The following ZFP64 variants were observed in gnomAD, a reference collection of about 807,000 sequenced individuals.
ZFP64 encodes ZFP64 zinc finger protein.
Under a neutral mutation model 51.6 loss-of-function variants are expected in ZFP64, and 14 were observed. The observed-to-expected ratio is 0.27, with a 90% CI of 0.18 to 0.42. ZFP64 has a LOEUF of 0.42. Ranked by LOEUF, ZFP64 falls within the 10% of genes least tolerant of loss-of-function variation. The probability of loss-of-function intolerance (pLI) is 1.00; values close to 1 mark genes in which losing one functional copy is unlikely to be tolerated. For missense variants in ZFP64, 754 were observed against 906.8 expected, an observed-to-expected ratio of 0.83 and a Z score of 2.16; for synonymous variants, 375 against 361.4, an observed-to-expected ratio of 1.04 and a Z score of -0.43.
chr20:52,086,315 G>C (rs973105137), intron 8 of ZFP64, among the ~76,000 whole-genome samples: 1 of 152,080 alleles, frequency 6.6e-6, no homozygotes, highest in Admixed American at 6.6e-5. Flanking sequence ...CAGGCCAGTG[G>C]ATGGCGTAAC....
In ZFP64 at chr20:52,169,269, A is replaced by C. The variant is rs189300885; in HGVS notation, c.287-3244T>G. Among the ~76,000 whole-genome samples the C allele has an allele frequency of 1.2e-3, 190 of 152,322 alleles. 1 individual carries two copies. Among genetic ancestry groups the C allele is most frequent in the African/African-American group, 4.4e-3 (181 of 41,572 alleles). On this transcript the variant is annotated intron_variant, in intron 2 of 5. Transcript: ENST00000216923. Reference sequence around the variant, plus strand: ...AACCAGACTCTGGCACTTGTGCATCAAACTCTCAACTGAAATGCTCATGAG... The same window carrying C: ...AACCAGACTCTGGCACTTGTGCATCCAACTCTCAACTGAAATGCTCATGAG...
Position 52,106,446 on chromosome 20 carries a change from C to T in ZFP64, c.764-7859G>A, listed in dbSNP as rs373922689. Among the ~76,000 whole-genome samples, 182 of 152,112 alleles carry T rather than the reference C, an allele frequency of 1.2e-3. 1 individual carries two copies. The highest frequency in any genetic ancestry group is 4.1e-3 in the African/African-American group (172 of 41,502). The stretch of plus-strand genomic sequence containing the variant: ...CAGGCTCATCTCCGAGTTTTTGGGG[C>T]GGGGCCTGAGAATCTGTATTTTTAA... On this transcript the variant is annotated intron_variant, in intron 5 of 8. Transcript: ENST00000361387.
intron 2 of ZFP64, among the ~76,000 whole-genome samples, chr20:52,174,827 T>C (rs984644951): frequency 2.6e-5 from 4 of 152,222 alleles, no homozygotes. Context: ...TATTACTTGG[T>C]GATTATATAA....
At chr20:52,186,617 G>A (rs1039457107) in intron 2 of ZFP64, among the ~76,000 whole-genome samples, 5 of 149,872 alleles carry the variant, frequency 3.3e-5, no homozygotes, top group Non-Finnish European at 7.4e-5. Flanking sequence ...TTTTTGTAAC[G>A]TGACAACATT....
chr20:52,140,088 C>A (rs541446422), intron 5 of ZFP64, among the ~76,000 whole-genome samples: 1 of 151,966 alleles, frequency 6.6e-6, no homozygotes, highest in African/African-American at 2.4e-5. Flanking sequence ...TATAAGACGA[C>A]GAAATTAACT....
rs187288856 is a variant in ZFP64, at chr20:52,128,325, G to A, written c.764-29738C>T. ...CCATCAGGTCCACTGATATTCCATT[G>A]GCCAAAGCAAGTCAAATGGCTTTGC... On this transcript the variant is annotated intron_variant, in intron 5 of 8. Transcript: ENST00000361387. Among the ~76,000 whole-genome samples the A allele has an allele frequency of 1.4e-3, 212 of 152,194 alleles. 1 individual carries two copies. Among genetic ancestry groups the A allele is most frequent in the African/African-American group, 4.4e-3 (182 of 41,522 alleles).
chr20:52,122,387 TCCCAGCTACTC>T (rs1979230865), intron 5 of ZFP64, among the ~76,000 whole-genome samples: 1 of 150,856 alleles, frequency 6.6e-6, no homozygotes, highest in Non-Finnish European at 1.5e-5. Flanking sequence ...GCGCCTGTAG[TCCCAGCTACTC>T]CGGAGGCTGA....
chr20:52,152,174 A>G lies in ZFP64; in HGVS notation c.2018T>C (p.Leu673Pro). Residue 673 changes from leucine (L) to proline (P), a missense_variant, in exon 6 of 6, where the codon CTC (leucine) becomes CCC (proline). Leu to Pro is a moderately conservative substitution (Grantham distance 98, BLOSUM62 -3). Coordinates refer to ENST00000216923, the MANE Select transcript of ZFP64 (RefSeq NM_018197.3). The part of the protein sequence containing the change: ...IIQGAAHPAL[L>P]CPADSIPD Reference sequence around the variant, plus strand: ...ATCTGGAATGGAGTCGGCGGGACAGAGCAAAGCTGGATGGGCTGCCCCTTG... The same window carrying G: ...ATCTGGAATGGAGTCGGCGGGACAGGGCAAAGCTGGATGGGCTGCCCCTTG... 6.2e-7 allele frequency: 1 copy of G among 1,614,134 alleles called. No homozygotes were observed. Among genetic ancestry groups the G allele is most frequent in the Non-Finnish European group, 8.5e-7 (1 of 1,180,016 alleles).
intron 5 of ZFP64, among the ~76,000 whole-genome samples, chr20:52,118,972 G>A (rs183410201): frequency 1.1e-4 from 17 of 152,164 alleles, no homozygotes; most frequent in East Asian, 7.7e-4. Context: ...GTGAAACCCC[G>A]TCTCTACAAA....
In ZFP64 at chr20:52,085,109, G is replaced by A. The variant is rs2078850474; in HGVS notation, c.1386C>T (p.Arg462=). ...GCAGACATTTGAAGGTGTGCTTGATGCGGATGTGCGATTTGAGATTCGCCT... is the reference window on the plus strand; with the variant it reads ...GCAGACATTTGAAGGTGTGCTTGATACGGATGTGCGATTTGAGATTCGCCT... Residue 462 remains arginine (R), a synonymous_variant, in exon 9 of 9, where the codon CGC becomes CGT. Transcript: ENST00000361387. The surrounding 1 kb of genome is among the most constrained non-coding windows in gnomAD (Gnocchi z 4.3). The A allele has an allele frequency of 1.2e-6, 2 of 1,614,250 alleles. No individual in the cohort carries two copies. The highest frequency in any genetic ancestry group is 2.2e-5 in the East Asian group (1 of 44,882).
Position 52,178,238 on chromosome 20 carries a change from G to A in ZFP64, c.286+8594C>T, listed in dbSNP as rs180838310. ...TGCACAAGCAAGTTTGAGAAACATC[G>A]CAATGAGGAATTTACTAAGTGGCAG... On this transcript the variant is annotated intron_variant, in intron 2 of 5. Coordinates refer to ENST00000216923, the MANE Select transcript of ZFP64 (RefSeq NM_018197.3). Among the ~76,000 whole-genome samples the A allele has an allele frequency of 3.9e-5, 6 of 152,104 alleles. No individual in the cohort carries two copies. In the East Asian group the frequency reaches 7.7e-4, roughly 20 times the overall value.
At chr20:52,187,553 C>T (rs930891648) in intron 1 of ZFP64, among the ~76,000 whole-genome samples, 11 of 151,788 alleles carry the variant, frequency 7.2e-5, no homozygotes, top group African/African-American at 2.7e-4. Flanking sequence ...ACCCAGCAGG[C>T]AGAGGTTGCA....
rs751054942 is a variant in ZFP64, at chr20:52,088,691, G to T, written c.977-48C>A. 30 of 1,610,548 alleles carry T rather than the reference G, an allele frequency of 1.9e-5. No homozygotes were observed. The South Asian group carries it at 3.3e-4, about 18-fold the overall frequency. ...AGTTAAAGGTTTTTTGGTCAAGATG[G>T]CTACAAAGATTTGACCAAGATGATA... On this transcript the variant is annotated intron_variant, in intron 7 of 8. Transcript: ENST00000361387.
chr20:52,094,811 T>A (rs2078969778), intron 7 of ZFP64, among the ~76,000 whole-genome samples: 1 of 152,172 alleles, frequency 6.6e-6, no homozygotes, highest in Non-Finnish European at 1.5e-5. Context: ...CTATTCCCAG[T>A]TAAACACACA....
In ZFP64 at chr20:52,084,586, C is replaced by G. The variant is rs1213979205; in HGVS notation, c.1909G>C (p.Ala637Pro). ...AGGTCTTGGCTGGGCTCTAGGGGAG[C>G]CTCGAGCTGCCCCACGGAGACCAGG... The change falls in exon 9 of 9, where the codon GCT becomes CCT. Residue 637 changes from alanine to proline, a missense_variant. Transcript: ENST00000361387. 1.3e-5 allele frequency: 21 copies of G among 1,613,556 alleles called. No individual in the cohort carries two copies. The highest frequency in any genetic ancestry group is 1.8e-5 in the Non-Finnish European group (21 of 1,179,986).
rs753567663 is a variant in ZFP64 at position 52,165,558 on chromosome 20, G to T, written c.448+306C>A. 1.8e-4 allele frequency: 101 copies of T among 557,214 alleles called. No homozygotes were observed. In the Middle Eastern group the frequency reaches 5.5e-3, roughly 30 times the overall value. 34.5% of individuals were successfully genotyped at this position (557,214 alleles called of 1,614,324 possible). On this transcript the variant is annotated intron_variant, in intron 3 of 5. Transcript: ENST00000216923. ...ATAAATTAAAACCAAAGTAAGGAAAGAAAATTCTTACTGGATATCTTCCTA... is the reference window on the plus strand; with the variant it reads ...ATAAATTAAAACCAAAGTAAGGAAATAAAATTCTTACTGGATATCTTCCTA...
At chr20:52,145,791 A>G (rs915440336) in intron 5 of ZFP64, among the ~76,000 whole-genome samples, 1 of 152,174 alleles carries the variant, frequency 6.6e-6, no homozygotes, top group African/African-American at 2.4e-5. Flanking sequence ...AGTGAATGTG[A>G]AGGCCTAGGT....
Position 52,186,838 on chromosome 20 carries a change from T to C in ZFP64, c.280A>G (p.Ile94Val). ...TRTITSETQT[I>V]TVSAPEFVFE... ...CCCCATGCTCCAGCTGTACCTGTGA[T>C]TGTCTGGGTCTCCGAGGTGATGGTT... Residue 94 changes from isoleucine (I) to valine (V), a missense_variant, in exon 2 of 6, where the codon ATC becomes GTC. By Grantham distance (29) the Ile-to-Val change is conservative. Around this residue, in one of 3 missense-constraint regions of ZFP64, gnomAD observed 231 missense variants for 336.7 expected, o/e 0.69. Transcript: ENST00000216923. The C allele has an allele frequency of 1.2e-6, 2 of 1,606,968 alleles. No homozygotes were observed. The highest frequency in any genetic ancestry group is 1.1e-5 in the South Asian group (1 of 90,808).
intron 4 of ZFP64, among the ~76,000 whole-genome samples, chr20:52,163,625 G>A (rs1335467407): frequency 6.6e-6 from 1 of 152,208 alleles, no homozygotes. Context: ...TTATGGCCAA[G>A]GAATGTAAGA....
Sources: gnomAD v4.1 joint callset for allele counts (sites outside exome capture counted in the v4.1 genomes callset) on GRCh38, gnomAD v4.1.1 for gene constraint, gnomAD v4.1.1 regional missense constraint, Gnocchi (gnomAD v3.1) non-coding constraint, MANE v1.5 for transcripts, NCBI Gene and HGNC (gene_info 2026-07-23, HGNC 2026-07-21) for gene names.